RPH3AL: variants seen among roughly 807,000 people sequenced by gnomAD.
The protein encoded by RPH3AL is rabphilin 3A like (without C2 domains), also known as rab effector Noc2.
Under a neutral mutation model 43.1 loss-of-function variants are expected in RPH3AL, and 38 were observed. That is an observed-to-expected ratio of 0.88 (90% CI 0.68 to 1.15). RPH3AL has a LOEUF of 1.15. Among genes scored for constraint, RPH3AL ranks in the 50% most tolerant of loss-of-function variants. The probability of loss-of-function intolerance (pLI) is 0.00; values close to 1 mark genes in which losing one functional copy is unlikely to be tolerated. For synonymous variants in RPH3AL, 189 were observed against 176.3 expected (o/e 1.07, Z -0.57); for missense variants, 462 against 423.2 (o/e 1.09, Z -0.81).
intron 6 of RPH3AL, among the ~76,000 whole-genome samples, chr17:260,686 C>T (rs2042176517): frequency 1.3e-5 from 2 of 152,120 alleles, no homozygotes; most frequent in Admixed American, 1.3e-4. Flanking sequence ...CAGTACCTCT[C>T]CCTCCTCCAT....
intron 7 of RPH3AL, among the ~76,000 whole-genome samples, chr17:240,254 G>GT (rs997906862): frequency 1.5e-5 from 2 of 135,304 alleles, no homozygotes; most frequent in East Asian, 2.1e-4. Context: ...AAAAAAAAAG[G>GT]TTTTTTTGTT....
chr17:298,542 C>CA (rs111403979), intron 5 of RPH3AL, among the ~76,000 whole-genome samples: 47,552 of 142,986 alleles, frequency 0.33, 7,700 homozygotes, highest in African/African-American at 0.38. Flanking sequence ...ACTAAAAATA[C>CA]AAAAAAAAAA....
chr17:269,543 G>A (rs1203125134), intron 6 of RPH3AL, among the ~76,000 whole-genome samples: 2 of 152,182 alleles, frequency 1.3e-5, no homozygotes, highest in Non-Finnish European at 2.9e-5. Flanking sequence ...AAGGTGTTCT[G>A]GAGGAAGACG....
rs2043578211 is a variant in RPH3AL, at chr17:309,406, C to G, written c.351+10014G>C. Among the ~76,000 whole-genome samples the G allele has an allele frequency of 2.6e-5, 4 of 152,108 alleles. No individual in the cohort carries two copies. The South Asian group carries it at 8.4e-4, about 32-fold the overall frequency. ...GAAAATGGCATGTACCCCGCCCTGC[C>G]CAGGGCTCCTGCCAGCCCCCTGCTG... On this transcript the variant is annotated intron_variant, in intron 5 of 9. Transcript: ENST00000331302.
chr17:261,158 T>C (rs2042186595), intron 6 of RPH3AL, among the ~76,000 whole-genome samples: 1 of 152,124 alleles, frequency 6.6e-6, no homozygotes, highest in Admixed American at 6.5e-5. Context: ...GTAACTCAAG[T>C]TACTTAGGAG....
intron 5 of RPH3AL, among the ~76,000 whole-genome samples, chr17:313,638 T>C (rs1032208298): frequency 1.3e-5 from 2 of 152,166 alleles, no homozygotes; most frequent in Non-Finnish European, 2.9e-5. Flanking sequence ...GTACCTAGTC[T>C]TGCTTCATGT....
At chr17:275,103 C>T (rs935162315) in intron 6 of RPH3AL, among the ~76,000 whole-genome samples, 2 of 151,936 alleles carry the variant, frequency 1.3e-5, no homozygotes, top group African/African-American at 4.8e-5. Context: ...AGGAATTACC[C>T]AATAGAGTTG....
rs1351837764 is a variant in RPH3AL at position 344,394 on chromosome 17, ACAT to A, written c.-213+8315_-213+8317del. Among the ~76,000 whole-genome samples, 12 of 126,018 alleles carry A rather than the reference ACAT, an allele frequency of 9.5e-5. 3 individuals carry two copies. Among genetic ancestry groups the A allele is most frequent in the Non-Finnish European group, 1.6e-4 (9 of 56,102 alleles). 82.7% of individuals were successfully genotyped at this position (126,018 alleles called of 152,430 possible). ...CTATCATAACCATCACCACCATCAG[ACAT>A]CATCACCATCATCACCCACATCATC... On this transcript the variant is annotated intron_variant, in intron 1 of 9. Coordinates refer to ENST00000331302, the MANE Select transcript of RPH3AL (RefSeq NM_006987.4).
rs1477812272 is a variant in RPH3AL, at chr17:213,902, C to G, written c.898G>C (p.Ala300Pro). 2.5e-6 allele frequency: 4 copies of G among 1,613,312 alleles called. No homozygotes were observed. The highest frequency in any genetic ancestry group is 2.5e-6 in the Non-Finnish European group (3 of 1,179,908). The change falls in exon 10 of 10, where the codon GCC (alanine) becomes CCC (proline). Residue 300 changes from alanine to proline, a missense_variant. Coordinates refer to ENST00000331302, the MANE Select transcript of RPH3AL (RefSeq NM_006987.4). ...GCTGGAGCTGCGTCAGCAGCGGGGG[C>G]TCGTCCAGGTGTGTCTTTTACCTTT... ...RAPVKDTPGR[A>P]PAADAAPAGP...
chr17:314,187 G>T (rs1176123530), intron 5 of RPH3AL, among the ~76,000 whole-genome samples: 2 of 152,178 alleles, frequency 1.3e-5, no homozygotes, highest in Non-Finnish European at 2.9e-5. Flanking sequence ...GACTGTCCCA[G>T]GGGAAGTGGG....
At chr17:306,982 C>T (rs980300688) in intron 5 of RPH3AL, among the ~76,000 whole-genome samples, 6 of 152,194 alleles carry the variant, frequency 3.9e-5, no homozygotes, top group Non-Finnish European at 7.4e-5. Context: ...TCTCCTGGCA[C>T]CTGGTCACCC....
chr17:347,697 T>G (rs991446335), intron 1 of RPH3AL, among the ~76,000 whole-genome samples: 1 of 152,222 alleles, frequency 6.6e-6, no homozygotes, highest in African/African-American at 2.4e-5. Context: ...ACTGAACATT[T>G]ATGCAAATAA....
intron 6 of RPH3AL, among the ~76,000 whole-genome samples, chr17:270,873 A>G (rs1029048506): frequency 1.3e-5 from 2 of 152,132 alleles, no homozygotes; most frequent in Admixed American, 1.3e-4. Context: ...TGAATGGTAA[A>G]GCCTAGGTTT....
intron 5 of RPH3AL, among the ~76,000 whole-genome samples, chr17:297,136 G>A (rs576493703): frequency 2.6e-5 from 4 of 152,336 alleles, no homozygotes; most frequent in East Asian, 1.9e-4. Flanking sequence ...GGCTTGGGGC[G>A]ATTCCAGATA....
intron 5 of RPH3AL, among the ~76,000 whole-genome samples, chr17:299,010 G>A (rs557867646): frequency 1.4e-4 from 22 of 151,856 alleles, no homozygotes; most frequent in East Asian, 9.8e-4. Context: ...CGGATACCAC[G>A]TGGGGGTGTT....
chr17:227,563 CAG>C (rs2041135639), intron 7 of RPH3AL, among the ~76,000 whole-genome samples: 1 of 152,192 alleles, frequency 6.6e-6, no homozygotes, highest in African/African-American at 2.4e-5. Context: ...TACAAAAACA[CAG>C]GGGCTGACCC....
intron 6 of RPH3AL, among the ~76,000 whole-genome samples, chr17:262,556 G>A (rs1020382991): frequency 3.9e-5 from 6 of 152,042 alleles, no homozygotes; most frequent in African/African-American, 1.4e-4. Flanking sequence ...CAGGTGCAGC[G>A]GCTCACGCTC....
intron 1 of RPH3AL, among the ~76,000 whole-genome samples, chr17:346,737 AAC>A (rs1224152164): frequency 2.2e-5 from 3 of 135,782 alleles, no homozygotes; most frequent in African/African-American, 7.6e-5. Context: ...TAAATAGAAA[AAC>A]ACTATTTTGT....
chr17:325,340 G>A (rs2044594771), intron 3 of RPH3AL, among the ~76,000 whole-genome samples: 3 of 152,132 alleles, frequency 2.0e-5, no homozygotes, highest in South Asian at 2.1e-4. Flanking sequence ...TCCGGAACAT[G>A]AGTCTCTGGA....
Sources: allele counts gnomAD v4.1 joint callset (sites outside exome capture counted in the v4.1 genomes callset), GRCh38; gene constraint gnomAD v4.1.1; transcripts MANE v1.5; gene names NCBI Gene and HGNC (gene_info 2026-07-23, HGNC 2026-07-21).